The following KIAA2012 variants were observed in gnomAD, a reference collection of about 807,000 sequenced individuals.
KIAA2012 encodes KIAA2012.
Under a neutral mutation model 150.6 loss-of-function variants are expected in KIAA2012, and 125 were observed. The ratio of observed to expected loss-of-function variants is 0.83; its 90% confidence interval spans 0.72 to 0.96. KIAA2012 has a LOEUF of 0.96. KIAA2012 is among the 40% of genes least tolerant of loss of function. The pLI is 0.00. For missense variants in KIAA2012, 1,219 were observed against 1,354.9 expected, an observed-to-expected ratio of 0.90 and a Z score of 1.57; for synonymous variants, 462 against 504.7, an observed-to-expected ratio of 0.92 and a Z score of 1.13.
chr2:202,190,209 GA>G lies in KIAA2012; in HGVS notation c.2536del (p.Thr846GlnfsTer16), dbSNP rs753894409. On this transcript the variant is annotated frameshift_variant, in exon 19 of 24. Coordinates refer to ENST00000498697, the MANE Select transcript of KIAA2012 (RefSeq NM_001277372.4). LOFTEE classifies it high-confidence loss of function. The part of the protein sequence containing the change: ...SKDSKAKKKL[E>X]KKTRPQRKRT... ...GGACTCAAAGGCTAAAAAAAAATTA[GA>G]AAAAAAAACAAGACCCCAAAGGAAA... The G allele has an allele frequency of 8.7e-6, 13 of 1,491,568 alleles. No homozygotes were observed. Among genetic ancestry groups the G allele is most frequent in the African/African-American group, 1.4e-5 (1 of 69,242 alleles). 92.4% of individuals were successfully genotyped at this position (1,491,568 alleles called of 1,614,324 possible).
intron 2 of KIAA2012, among the ~76,000 whole-genome samples, chr2:202,081,822 C>T (rs1689457537): frequency 6.6e-6 from 1 of 152,146 alleles, no homozygotes; most frequent in Non-Finnish European, 1.5e-5. Context: ...GCTGGGATTA[C>T]AGGCATGAGC....
At chr2:202,166,391 G>A (rs1242011823) in intron 15 of KIAA2012, among the ~76,000 whole-genome samples, 1 of 152,088 alleles carries the variant, frequency 6.6e-6, no homozygotes, top group Non-Finnish European at 1.5e-5. Context: ...AGTGGCTCAC[G>A]CCTGTAATCC....
In KIAA2012 at chr2:202,184,846, A is replaced by G; in HGVS notation, c.2210+3A>G. 1 of 1,540,982 alleles carries G rather than the reference A, an allele frequency of 6.5e-7. No homozygotes were observed. On this transcript the variant is annotated splice_donor_region_variant and intron_variant, in intron 16 of 23. Transcript: ENST00000498697. ...GAAGCAGATATTGTGCAAAAAGTGT[A>G]AGTGTTCAAAGTTGTAATAACATAG...
chr2:202,196,732 G>A, intron 21 of KIAA2012, 68 bp from the exon 22 acceptor site: 2 of 1,500,900 alleles, frequency 1.3e-6, no homozygotes, highest in African/African-American at 1.4e-5. Flanking sequence ...AGATTTGAGA[G>A]TTGGATCCGA....
intron 12 of KIAA2012, among the ~76,000 whole-genome samples, chr2:202,129,069 G>A (rs1193633386): frequency 6.6e-6 from 1 of 151,804 alleles, no homozygotes; most frequent in African/African-American, 2.4e-5. Context: ...AGCCAAGATC[G>A]CACCATTGCA....
intron 12 of KIAA2012, among the ~76,000 whole-genome samples, chr2:202,132,700 A>ATATATATGTATATATGTATATATAG (rs1559215321): frequency 1.0e-5 from 1 of 99,264 alleles, no homozygotes; most frequent in Non-Finnish European, 1.9e-5. Context: ...ATGTATGTAT[A>ATATATATGTATATATGTATATATAG]TATATATGTA....
At chr2:202,103,922 GC>G (rs1690115789) in intron 8 of KIAA2012, among the ~76,000 whole-genome samples, 1 of 152,172 alleles carries the variant, frequency 6.6e-6, no homozygotes, top group Non-Finnish European at 1.5e-5. Flanking sequence ...ACTTCTCTGG[GC>G]CCTCTGGGGC....
intron 19 of KIAA2012, among the ~76,000 whole-genome samples, chr2:202,191,079 C>T (rs1692320158): frequency 6.6e-6 from 1 of 151,812 alleles, no homozygotes; most frequent in Non-Finnish European, 1.5e-5. Context: ...GAGTTCAAGA[C>T]CAGCCTGGCC....
intron 11 of KIAA2012, among the ~76,000 whole-genome samples, chr2:202,122,146 C>T (rs1403966886): frequency 6.6e-6 from 1 of 152,208 alleles, no homozygotes; most frequent in African/African-American, 2.4e-5. Context: ...CCAGGGAAAG[C>T]CTTGTATGCC....
chr2:202,193,622 G>A, intron 20 of KIAA2012, 119 bp downstream of exon 20: 1 of 989,516 alleles, frequency 1.0e-6, no homozygotes, highest in Non-Finnish European at 1.5e-6. Context: ...AGTTAAAATA[G>A]CATGTGTCAT....
At chr2:202,107,291 C>T (rs566634824) in intron 9 of KIAA2012, among the ~76,000 whole-genome samples, 37 of 152,040 alleles carry the variant, frequency 2.4e-4, no homozygotes, top group Non-Finnish European at 4.6e-4. Context: ...TAGGTCAGGA[C>T]GTTCTCGAAA....
At chr2:202,164,036 A>G (rs926976156) in intron 14 of KIAA2012, among the ~76,000 whole-genome samples, 6 of 152,140 alleles carry the variant, frequency 3.9e-5, no homozygotes, top group African/African-American at 1.4e-4. Flanking sequence ...TTCTCAAAGC[A>G]GGATGCAGCT....
At chr2:202,138,362 T>TGGC (rs1559217465) in intron 12 of KIAA2012, 70 bp from the exon 13 acceptor site, 11 of 966,624 alleles carry the variant, frequency 1.1e-5, no homozygotes, top group African/African-American at 1.0e-4. Context: ...GTGTGTATGG[T>TGGC]ATATATAAAA....
intron 16 of KIAA2012, among the ~76,000 whole-genome samples, chr2:202,185,292 G>A (rs1195711134): frequency 1.3e-5 from 2 of 152,104 alleles, no homozygotes; most frequent in African/African-American, 4.8e-5. Context: ...GTACTTACGC[G>A]CTTACTGTGA....
chr2:202,125,695 C>A, intron 12 of KIAA2012: 1 of 358,356 alleles, frequency 2.8e-6, no homozygotes. Flanking sequence ...AAGACTCAGG[C>A]TTGTATTTTC....
chr2:202,197,045 C>A, intron 22 of KIAA2012, 26 bp downstream of exon 22: 2 of 1,550,258 alleles, frequency 1.3e-6, no homozygotes, highest in Non-Finnish European at 1.7e-6. Context: ...GCAACAGTTG[C>A]CATAGGGGGA....
chr2:202,088,005 A>T (rs1689616260), intron 2 of KIAA2012, among the ~76,000 whole-genome samples: 2 of 152,120 alleles, frequency 1.3e-5, no homozygotes, highest in African/African-American at 2.4e-5. Context: ...AACCAAAAAA[A>T]AAAAAAAGTA....
At chr2:202,102,832 C>G (rs1318863341) in intron 7 of KIAA2012, 114 bp from the exon 8 acceptor site, 15 of 1,034,464 alleles carry the variant, frequency 1.5e-5, no homozygotes, top group Non-Finnish European at 2.1e-5. Context: ...ATTAGCTTAC[C>G]TCTCTCAGCA....
chr2:202,106,036 TG>T, intron 9 of KIAA2012, 126 bp downstream of exon 9: 4 of 1,539,752 alleles, frequency 2.6e-6, no homozygotes, highest in Non-Finnish European at 3.5e-6. Context: ...CAGCAGCCAC[TG>T]GAAGATGGCC....
Sources: gnomAD v4.1 joint callset for allele counts (sites outside exome capture counted in the v4.1 genomes callset) on GRCh38, gnomAD v4.1.1 for gene constraint, MANE v1.5 for transcripts, NCBI Gene and HGNC (gene_info 2026-07-23, HGNC 2026-07-21) for gene names.